The following IL22RA2 variants were observed in gnomAD, a reference collection of about 807,000 sequenced individuals.
The protein encoded by IL22RA2 is interleukin-22 receptor subunit alpha-2.
In IL22RA2, 39 loss-of-function variants were observed where a neutral mutation model predicts 30.7. That is an observed-to-expected ratio of 1.27 (90% CI 0.98 to 1.66). The LOEUF (loss-of-function observed/expected upper bound fraction) is 1.66, where lower values mean the gene tolerates loss of function less well. Ranked by LOEUF, IL22RA2 falls within the 40% of genes most tolerant of loss-of-function variation. The pLI is 0.00. For synonymous variants in IL22RA2, 103 were observed against 105.0 expected (o/e 0.98, Z 0.11); for missense variants, 315 against 312.7 (o/e 1.01, Z -0.05).
intron 5 of IL22RA2, among the ~76,000 whole-genome samples, chr6:137,149,060 T>C (rs1205937028): frequency 6.6e-6 from 1 of 152,206 alleles, no homozygotes; most frequent in Non-Finnish European, 1.5e-5. Context: ...GCACTATTCA[T>C]GAACATATCA....
intron 1 of IL22RA2, among the ~76,000 whole-genome samples, chr6:137,162,140 G>A (rs757744990): frequency 2.0e-5 from 3 of 152,170 alleles, no homozygotes; most frequent in Non-Finnish European, 4.4e-5. Flanking sequence ...AAGGGAATCT[G>A]GCCCCAGGAG....
chr6:137,170,926 G>A (rs1308811732), intron 1 of IL22RA2, among the ~76,000 whole-genome samples: 1 of 152,162 alleles, frequency 6.6e-6, no homozygotes, highest in Non-Finnish European at 1.5e-5. Flanking sequence ...AAGTCAACAT[G>A]GCAGATTAGC....
At chr6:137,173,167 T>C (rs745553731) in intron 1 of IL22RA2, among the ~76,000 whole-genome samples, 2 of 152,086 alleles carry the variant, frequency 1.3e-5, no homozygotes, top group African/African-American at 2.4e-5. Flanking sequence ...AGGTGTGGAG[T>C]TCCAGACCAG....
At chr6:137,159,032 C>T (rs1265314920) in intron 2 of IL22RA2, among the ~76,000 whole-genome samples, 1 of 152,198 alleles carries the variant, frequency 6.6e-6, no homozygotes, top group Non-Finnish European at 1.5e-5. Context: ...CTGCCTGCAT[C>T]CTGGCTCCAA....
intron 1 of IL22RA2, among the ~76,000 whole-genome samples, chr6:137,162,206 G>A (rs1300768983): frequency 6.6e-6 from 1 of 152,210 alleles, no homozygotes; most frequent in East Asian, 1.9e-4. Flanking sequence ...TGAGTAATGT[G>A]CTTGGCATTT....
At chr6:137,161,227 A>G (rs890091924) in intron 2 of IL22RA2, among the ~76,000 whole-genome samples, 6 of 152,212 alleles carry the variant, frequency 3.9e-5, no homozygotes, top group South Asian at 2.1e-4. Flanking sequence ...TGAGGGTGTT[A>G]AGTAAATTTC....
intron 4 of IL22RA2, among the ~76,000 whole-genome samples, chr6:137,155,902 T>G (rs561568193): frequency 1.4e-4 from 22 of 152,346 alleles, no homozygotes; most frequent in South Asian, 6.2e-4. Flanking sequence ...CTTAATGCTC[T>G]GTGGTTTTGG....
At chr6:137,166,280 T>C (rs184080293) in intron 1 of IL22RA2, among the ~76,000 whole-genome samples, 2 of 152,346 alleles carry the variant, frequency 1.3e-5, no homozygotes, top group East Asian at 3.9e-4. Context: ...GTGTTGCTTT[T>C]GGCCAAAGAA....
rs921058456 is a variant in IL22RA2, at chr6:137,152,368, A to G, written c.472+2573T>C. On this transcript the variant is annotated intron_variant, in intron 5 of 6. Coordinates refer to ENST00000296980, the MANE Select transcript of IL22RA2 (RefSeq NM_052962.3). ...GATAAATAATATGTGGTATATCCAT[A>G]TAATGTATTATTTGGTCACAAAAAA... is the stretch of plus-strand genomic sequence containing the variant. 5.9e-5 allele frequency among the ~76,000 whole-genome samples: 9 copies of G among 152,354 alleles called. No homozygotes were observed. The East Asian group carries it at 1.5e-3, about 26-fold the overall frequency.
intron 2 of IL22RA2, among the ~76,000 whole-genome samples, chr6:137,158,892 G>A (rs13202960): frequency 2.0e-5 from 3 of 152,160 alleles, no homozygotes; most frequent in Non-Finnish European, 4.4e-5. Context: ...ATTTGCTAGT[G>A]ACCACTTCTG....
chr6:137,161,818 T>C lies in IL22RA2; in HGVS notation c.-65-4A>G. 8.0e-7 allele frequency: 1 copy of C among 1,257,176 alleles called. No homozygotes were observed. The highest frequency in any genetic ancestry group is 2.4e-5 in the East Asian group (1 of 41,194). The allele number at this position is 1,257,176 out of a possible 1,614,324, so 77.9% of individuals were successfully genotyped here. A position where few individuals can be genotyped will look rare whatever the true frequency, so the allele number is the denominator to read the frequency against. ...CAGCTCAGGACCAAAGAGGAAACTG[T>C]AAAATCCACAAACAGACAATCACTC... On this transcript the variant is annotated splice_region_variant and splice_polypyrimidine_tract_variant and intron_variant, in intron 1 of 6. Transcript: ENST00000296980.
chr6:137,151,102 A>G (rs1046220077), intron 5 of IL22RA2, among the ~76,000 whole-genome samples: 3 of 152,200 alleles, frequency 2.0e-5, no homozygotes, highest in African/African-American at 7.2e-5. Context: ...CAAGGAACCC[A>G]TAATAGTCAA....
At chr6:137,152,811 T>C (rs565847721) in intron 5 of IL22RA2, among the ~76,000 whole-genome samples, 1 of 152,294 alleles carries the variant, frequency 6.6e-6, no homozygotes, top group East Asian at 1.9e-4. Flanking sequence ...TTGAACAAAA[T>C]AGTTGCATGA....
At chr6:137,170,240 C>T (rs1416358578) in intron 1 of IL22RA2, among the ~76,000 whole-genome samples, 3 of 152,036 alleles carry the variant, frequency 2.0e-5, no homozygotes, top group African/African-American at 7.3e-5. Flanking sequence ...GTGTCGAGCA[C>T]CAAAAGGGGG....
chr6:137,160,549 T>A (rs1439268099), intron 2 of IL22RA2, among the ~76,000 whole-genome samples: 1 of 152,178 alleles, frequency 6.6e-6, no homozygotes, highest in African/African-American at 2.4e-5. Context: ...GGCAGACCAA[T>A]TAGAAGCTGA....
At chr6:137,165,195 A>G (rs551192204) in intron 1 of IL22RA2, among the ~76,000 whole-genome samples, 6 of 152,346 alleles carry the variant, frequency 3.9e-5, no homozygotes, top group African/African-American at 1.2e-4. Flanking sequence ...GGAGAGAAAA[A>G]GGCCACCAAT....
intron 1 of IL22RA2, among the ~76,000 whole-genome samples, chr6:137,169,560 G>A (rs540956502): frequency 1.3e-5 from 2 of 152,220 alleles, no homozygotes; most frequent in African/African-American, 4.8e-5. Flanking sequence ...TAAGTACTGA[G>A]GAAAAAATAA....
chr6:137,162,328 A>G (rs1582607315), intron 1 of IL22RA2, among the ~76,000 whole-genome samples: 1 of 151,920 alleles, frequency 6.6e-6, no homozygotes, highest in Non-Finnish European at 1.5e-5. Flanking sequence ...TATGCCCCAT[A>G]CCCTTCCACT....
intron 5 of IL22RA2, among the ~76,000 whole-genome samples, chr6:137,153,658 G>T: frequency 6.6e-6 from 1 of 152,210 alleles, no homozygotes; most frequent in Non-Finnish European, 1.5e-5. Context: ...AAGAAAATGA[G>T]GTTCTTATAT....
Sources: gnomAD v4.1 joint callset for allele counts (sites outside exome capture counted in the v4.1 genomes callset) on GRCh38, gnomAD v4.1.1 for gene constraint, MANE v1.5 for transcripts, NCBI Gene and HGNC (gene_info 2026-07-23, HGNC 2026-07-21) for gene names.